Variants in TYW1B observed in about 807,000 individuals in gnomAD.
The protein encoded by TYW1B is tRNA-yW synthesizing protein 1 homolog B.
Under a neutral mutation model 86.9 loss-of-function variants are expected in TYW1B, and 73 were observed. That is an observed-to-expected ratio of 0.84 (90% CI 0.70 to 1.02). The LOEUF is 1.02. Among genes scored for constraint, TYW1B ranks in the 50% least tolerant of loss-of-function variants. The pLI, the probability that TYW1B is intolerant of heterozygous loss-of-function variation, is 0.00. For missense variants in TYW1B, 637 were observed against 827.4 expected, an observed-to-expected ratio of 0.77 and a Z score of 2.82; for synonymous variants, 248 against 292.8, an observed-to-expected ratio of 0.85 and a Z score of 1.56.
intron 1 of TYW1B, 77 bp from the exon 2 acceptor site, chr7:72,827,062 G>C: frequency 6.6e-7 from 1 of 1,513,494 alleles, no homozygotes; most frequent in Non-Finnish European, 8.9e-7. Flanking sequence ...ATTTTAAGAA[G>C]AAAATAAAAC....
chr7:72,823,748 A>G (rs1332102697), intron 2 of TYW1B, among the ~76,000 whole-genome samples: 4 of 152,198 alleles, frequency 2.6e-5, no homozygotes, highest in Admixed American at 2.6e-4. Flanking sequence ...AGCAACATTA[A>G]GCCACTGAGA....
chr7:72,672,027 G>A (rs1268120684), intron 11 of TYW1B, among the ~76,000 whole-genome samples: 2 of 150,758 alleles, frequency 1.3e-5, no homozygotes, highest in Admixed American at 6.6e-5. Flanking sequence ...CGTTGTGGGG[G>A]GACCTGGTAG....
At chr7:72,721,728 C>G (rs1413952678) in intron 9 of TYW1B, among the ~76,000 whole-genome samples, 1 of 152,076 alleles carries the variant, frequency 6.6e-6, no homozygotes, top group Non-Finnish European at 1.5e-5. Flanking sequence ...CACAACTAAA[C>G]TCTGCTTTGT....
At chr7:72,776,310 T>A in intron 7 of TYW1B, among the ~76,000 whole-genome samples, 1 of 151,802 alleles carries the variant, frequency 6.6e-6, no homozygotes, top group Non-Finnish European at 1.5e-5. Flanking sequence ...GTAGGCCAGG[T>A]GCAGTGGCTC....
At chr7:72,720,084 C>T (rs1336108180) in intron 9 of TYW1B, among the ~76,000 whole-genome samples, 4 of 151,800 alleles carry the variant, frequency 2.6e-5, no homozygotes, top group Non-Finnish European at 5.9e-5. Flanking sequence ...GGAGGTGGCA[C>T]GATAGTGGAG....
intron 8 of TYW1B, among the ~76,000 whole-genome samples, chr7:72,734,255 C>A (rs181177853): frequency 1.8e-3 from 26 of 14,576 alleles, no homozygotes; most frequent in Non-Finnish European, 4.3e-3. Context: ...AAAACTCCAT[C>A]TCAAAAAAAA....
At chr7:72,734,976 G>A (rs1268076039) in intron 8 of TYW1B, among the ~76,000 whole-genome samples, 1 of 152,170 alleles carries the variant, frequency 6.6e-6, no homozygotes, top group Non-Finnish European at 1.5e-5. Context: ...AGGATGTGGA[G>A]AAAGGGAACT....
intron 11 of TYW1B, among the ~76,000 whole-genome samples, chr7:72,676,698 G>A (rs1554447492): frequency 6.6e-6 from 1 of 152,184 alleles, no homozygotes; most frequent in Admixed American, 6.6e-5. Context: ...GGTGGCTCAT[G>A]CCTATAATCT....
chr7:72,795,685 TG>T (rs1395316101), intron 6 of TYW1B, among the ~76,000 whole-genome samples: 2 of 131,416 alleles, frequency 1.5e-5, no homozygotes, highest in African/African-American at 5.7e-5. Context: ...AACTAATATG[TG>T]GGGGGTTTTC....
At chr7:72,620,614 G>A (rs1279749831) in intron 12 of TYW1B, among the ~76,000 whole-genome samples, 3 of 152,038 alleles carry the variant, frequency 2.0e-5, no homozygotes, top group African/African-American at 7.2e-5. Flanking sequence ...TCTCTGCTGC[G>A]ACTGCCCCAC....
At chr7:72,754,531 G>C (rs1787554791) in intron 7 of TYW1B, among the ~76,000 whole-genome samples, 1 of 152,034 alleles carries the variant, frequency 6.6e-6, no homozygotes. Flanking sequence ...CTGTCTCCCA[G>C]GTTCAAGCAA....
At chr7:72,651,262 GGTTCAATCATTTAT>G (rs371057154) in intron 11 of TYW1B, among the ~76,000 whole-genome samples, 2,664 of 152,216 alleles carry the variant, frequency 0.018, 78 homozygotes, top group African/African-American at 0.061. Context: ...AAATGATGCT[GGTTCAATCATTTAT>G]CCACTTGGGG....
intron 13 of TYW1B, among the ~76,000 whole-genome samples, chr7:72,607,114 A>G (rs1487103917): frequency 6.6e-6 from 1 of 152,184 alleles, no homozygotes; most frequent in Non-Finnish European, 1.5e-5. Context: ...ATAAATAGAA[A>G]GTTGGCTGGG....
chr7:72,688,672 T>G (rs1169316690), intron 11 of TYW1B, among the ~76,000 whole-genome samples: 1 of 152,210 alleles, frequency 6.6e-6, no homozygotes, highest in Non-Finnish European at 1.5e-5. Flanking sequence ...TACTTGCCTT[T>G]AACTACAATC....
intron 10 of TYW1B, among the ~76,000 whole-genome samples, chr7:72,697,397 A>G (rs1814348202): frequency 6.6e-6 from 1 of 152,146 alleles, no homozygotes; most frequent in African/African-American, 2.4e-5. Flanking sequence ...ATCTCTCGTC[A>G]AGGAGCAGAG....
chr7:72,579,995 C>A (rs1811115797), intron 13 of TYW1B, among the ~76,000 whole-genome samples: 1 of 152,152 alleles, frequency 6.6e-6, no homozygotes, highest in Non-Finnish European at 1.5e-5. Context: ...TAGATCAGGG[C>A]TTACCCCTAT....
chr7:72,825,269 C>G (rs2867755), intron 2 of TYW1B, among the ~76,000 whole-genome samples: 19 of 152,244 alleles, frequency 1.2e-4, no homozygotes, highest in South Asian at 2.1e-4. Flanking sequence ...CTGTTCCCCC[C>G]CAAAAAAGAG....
At chr7:72,725,094 C>T (rs1364985765) in intron 9 of TYW1B, among the ~76,000 whole-genome samples, 2 of 152,188 alleles carry the variant, frequency 1.3e-5, no homozygotes, top group East Asian at 3.8e-4. Flanking sequence ...CCTCAACAGG[C>T]CCAGCAGACA....
In TYW1B at chr7:72,609,379, T is replaced by C. The variant is rs566705783; in HGVS notation, c.1785+7293A>G. On this transcript the variant is annotated intron_variant, in intron 13 of 13. Transcript: ENST00000620995. ...TTTGACAGCAGCCTGGCCAACACAG[T>C]GGGACCCGATCTCAATAACAAATTT... 2.0e-5 allele frequency among the ~76,000 whole-genome samples: 3 copies of C among 152,042 alleles called. No homozygotes were observed. In the East Asian group the frequency reaches 5.8e-4, roughly 29 times the overall value.
Sources: gnomAD v4.1 joint callset for allele counts (sites outside exome capture counted in the v4.1 genomes callset) on GRCh38, gnomAD v4.1.1 for gene constraint, MANE v1.5 for transcripts, NCBI Gene and HGNC (gene_info 2026-07-23, HGNC 2026-07-21) for gene names.